Variants in EDA observed in about 807,000 individuals in gnomAD.
EDA encodes the protein ectodysplasin A, also known as ectodysplasin-A.
A neutral mutation model predicts 23.6 loss-of-function variants in EDA; 2 were observed. The ratio of observed to expected loss-of-function variants is 0.08; its 90% CI spans 0.03 to 0.27. The LOEUF (loss-of-function observed/expected upper bound fraction) is 0.27, where lower values mean the gene tolerates loss of function less well. EDA is among the 10% of genes least tolerant of loss of function. EDA has a pLI of 1.00. For missense variants in EDA, 229 were observed against 324.2 expected (o/e 0.71, Z 2.26); for synonymous variants, 131 against 132.0 (o/e 0.99, Z 0.05).
chrX:69,660,798 A>G (rs916149844), intron 1 of EDA, among the ~76,000 whole-genome samples: 2 of 111,601 alleles, frequency 1.8e-5, no homozygotes, highest in African/African-American at 6.5e-5. Context: ...GCCGCAATAA[A>G]CATACGTGTG....
chrX:69,788,546 T>C (rs2015282158), intron 1 of EDA, among the ~76,000 whole-genome samples: 1 of 111,769 alleles, frequency 8.9e-6, no homozygotes, highest in African/African-American at 3.2e-5. Context: ...TTGGAGTTCC[T>C]GGCCGTGTGA....
intron 1 of EDA, among the ~76,000 whole-genome samples, chrX:69,790,414 A>G (rs1351443176): frequency 9.0e-6 from 1 of 110,702 alleles, no homozygotes; most frequent in Non-Finnish European, 1.9e-5. Flanking sequence ...TACCCGTTAA[A>G]TTGCTTAGCC....
intron 1 of EDA, among the ~76,000 whole-genome samples, chrX:69,745,831 T>C (rs762969653): frequency 1.8e-5 from 2 of 110,417 alleles, no homozygotes; most frequent in African/African-American, 3.3e-5. Context: ...CTACTAAAAA[T>C]AGAAATACTA....
At chrX:69,905,745 T>A (rs1602524180) in intron 1 of EDA, among the ~76,000 whole-genome samples, 1 of 111,631 alleles carries the variant, frequency 9.0e-6, no homozygotes, top group East Asian at 2.8e-4. Flanking sequence ...TGAGTCTTTT[T>A]CTGTTGATGT....
chrX:69,696,406 T>C (rs1464874438), intron 1 of EDA, among the ~76,000 whole-genome samples: 2 of 112,094 alleles, frequency 1.8e-5, no homozygotes, highest in African/African-American at 6.5e-5. Context: ...ATAAAATTAC[T>C]TTCATAAGAT....
At chrX:69,836,152 C>T (rs187434945) in intron 1 of EDA, among the ~76,000 whole-genome samples, 1 of 112,348 alleles carries the variant, frequency 8.9e-6, no homozygotes, top group East Asian at 2.8e-4. Context: ...CTATCAGCAC[C>T]TACTGGGAGA....
chrX:69,795,035 C>A (rs998013463), intron 1 of EDA, among the ~76,000 whole-genome samples: 1 of 111,313 alleles, frequency 9.0e-6, no homozygotes, highest in African/African-American at 3.3e-5. Context: ...TTTTTAAATT[C>A]TTTGTAGAGT....
chrX:69,649,327 G>A (rs1039624430), intron 1 of EDA, among the ~76,000 whole-genome samples: 1 of 111,825 alleles, frequency 8.9e-6, no homozygotes, highest in Non-Finnish European at 1.9e-5. Flanking sequence ...ATGATAGGTT[G>A]GTCTATTTAG....
intron 2 of EDA, among the ~76,000 whole-genome samples, chrX:69,971,427 G>T (rs1172822750): frequency 8.9e-6 from 1 of 112,396 alleles, no homozygotes; most frequent in African/African-American, 3.2e-5. Context: ...CCAAAGTCCT[G>T]GTTATGTTTA....
At position 70,027,817 on chromosome X, in the gene EDA, C is replaced by T. The variant is rs774792167; in HGVS notation, c.527-40C>T. On this transcript the variant is annotated intron_variant, in intron 3 of 7. Coordinates refer to ENST00000374552, the MANE Select transcript of EDA (RefSeq NM_001399.5). ...CAGCCTGGGCAACAGAGCAGGACTCCGTCTCAAAAAAAAAAGTAACACTGA... is the reference window on the plus strand; with the variant it reads ...CAGCCTGGGCAACAGAGCAGGACTCTGTCTCAAAAAAAAAAGTAACACTGA... The T allele has an allele frequency of 5.6e-5, 34 of 610,766 alleles. No homozygotes were observed. In the South Asian group the frequency reaches 7.2e-4, roughly 13 times the overall value. The allele number at this position is 610,766 out of a possible 1,213,427, so 50.3% of individuals were successfully genotyped here. A position where few individuals can be genotyped will look rare whatever the true frequency, so the allele number is the denominator to read the frequency against.
At chrX:69,849,080 TATACAC>T (rs1204224376) in intron 1 of EDA, among the ~76,000 whole-genome samples, 1,005 of 84,704 alleles carry the variant, frequency 0.012, 8 homozygotes, top group Middle Eastern at 0.017. Context: ...ACAAAGTCTA[TATACAC>T]ACACACACAC....
rs951456645 is a variant in EDA at position 69,616,344 on chromosome X, G to A, written c.36G>A (p.Leu12=). 17 of 1,204,231 alleles carry A rather than the reference G, an allele frequency of 1.4e-5. No individual in the cohort carries two copies. Among genetic ancestry groups the A allele is most frequent in the Non-Finnish European group, 1.8e-5 (16 of 894,229 alleles). The change falls in exon 1 of 8, where the codon CTG becomes CTA. Residue 12 remains leucine (L), a synonymous_variant. Transcript: ENST00000374552. Reference sequence around the variant, plus strand: ...CGGAGGTGGAGCGCAGGGAACTCCTGCCTGCAGCAGCGCCGCGGGAGCGAG... The same window carrying A: ...CGGAGGTGGAGCGCAGGGAACTCCTACCTGCAGCAGCGCCGCGGGAGCGAG... ...GYPEVERREL[L]PAAAPRERGS...
intron 2 of EDA, among the ~76,000 whole-genome samples, chrX:70,016,882 G>A: frequency 9.0e-6 from 1 of 111,565 alleles, no homozygotes; most frequent in Non-Finnish European, 1.9e-5. Context: ...GAATGTATTT[G>A]AGATGTGAAA....
At chrX:69,947,970 A>T (rs2018858663) in intron 1 of EDA, among the ~76,000 whole-genome samples, 1 of 112,151 alleles carries the variant, frequency 8.9e-6, no homozygotes, top group African/African-American at 3.2e-5. Flanking sequence ...TTTCTCCTTG[A>T]TGTACATCTT....
chrX:69,912,711 T>C, intron 1 of EDA, among the ~76,000 whole-genome samples: 1 of 96,263 alleles, frequency 1.0e-5, no homozygotes, highest in Non-Finnish European at 2.2e-5. Flanking sequence ...CATTCAGGCT[T>C]TTTTGTTCCA....
chrX:69,704,868 A>G (rs1239654854), intron 1 of EDA, among the ~76,000 whole-genome samples: 1 of 111,082 alleles, frequency 9.0e-6, no homozygotes, highest in African/African-American at 3.3e-5. Context: ...ACCCTAAAAT[A>G]TGTATATCGG....
chrX:69,777,226 G>C (rs2188451), intron 1 of EDA, among the ~76,000 whole-genome samples: 32,045 of 108,688 alleles, frequency 0.29, 4,710 homozygotes, highest in Middle Eastern at 0.53. Context: ...AAACATGCTG[G>C]TTTGTGGTTC....
intron 2 of EDA, among the ~76,000 whole-genome samples, chrX:69,987,299 A>C (rs201254293): frequency 1.1e-5 from 1 of 93,271 alleles, no homozygotes; most frequent in Non-Finnish European, 2.0e-5. Flanking sequence ...TAAAAAAAAA[A>C]ATTTTTTTTT....
chrX:69,920,177 A>T (rs1034275592), intron 1 of EDA, among the ~76,000 whole-genome samples: 2 of 110,677 alleles, frequency 1.8e-5, no homozygotes, highest in African/African-American at 6.6e-5. Context: ...CATTTCTCTT[A>T]AATAATATAT....
Sources: gnomAD v4.1 joint callset for allele counts (sites outside exome capture counted in the v4.1 genomes callset) on GRCh38, gnomAD v4.1.1 for gene constraint, MANE v1.5 for transcripts, NCBI Gene and HGNC (gene_info 2026-07-23, HGNC 2026-07-21) for gene names.